ARHGAP15: variants seen among roughly 807,000 people sequenced by gnomAD.
The protein encoded by ARHGAP15 is rho GTPase-activating protein 15.
Under a neutral mutation model 63.7 loss-of-function variants are expected in ARHGAP15, and 51 were observed. That is an observed-to-expected ratio of 0.80 (90% CI 0.64 to 1.01). The LOEUF (loss-of-function observed/expected upper bound fraction) is 1.01, where lower values mean the gene tolerates loss of function less well. Ranked by LOEUF, ARHGAP15 falls within the 50% of genes least tolerant of loss-of-function variation. ARHGAP15 has a pLI of 0.00. For synonymous variants in ARHGAP15, 191 were observed against 193.8 expected (o/e 0.99, Z 0.12); for missense variants, 560 against 564.6 (o/e 0.99, Z 0.08).
chr2:143,480,874 C>T (rs1692046543), intron 8 of ARHGAP15: 1 of 152,100 alleles, frequency 6.6e-6, no homozygotes, highest in Non-Finnish European at 1.5e-5. Context: ...AAACAGGAGG[C>T]TGGAAAGAAA....
At chr2:143,418,011 A>G (rs979900685) in intron 6 of ARHGAP15, among the ~76,000 whole-genome samples, 4 of 152,246 alleles carry the variant, frequency 2.6e-5, no homozygotes, top group Admixed American at 6.5e-5. Context: ...GTAGAACAAG[A>G]AACTCAAACT....
At chr2:143,309,866 TTGTGTG>T (rs10562854) in intron 6 of ARHGAP15, among the ~76,000 whole-genome samples, 144 of 149,036 alleles carry the variant, frequency 9.7e-4, no homozygotes, top group Admixed American at 3.0e-3. Flanking sequence ...ATATATGAAC[TTGTGTG>T]TGTGTGTGTG....
chr2:143,663,822 C>G (rs549532095), intron 12 of ARHGAP15, among the ~76,000 whole-genome samples: 16 of 152,076 alleles, frequency 1.1e-4, no homozygotes, highest in Admixed American at 8.5e-4. Flanking sequence ...ACAAAGAAGG[C>G]CATTACATAA....
At chr2:143,334,308 A>G (rs1470349823) in intron 6 of ARHGAP15, among the ~76,000 whole-genome samples, 1 of 152,224 alleles carries the variant, frequency 6.6e-6, no homozygotes, top group Non-Finnish European at 1.5e-5. Flanking sequence ...CAATACTTAT[A>G]GAAAATACCT....
At position 143,216,368 on chromosome 2, in the gene ARHGAP15, T is replaced by A. The variant is rs370590518; in HGVS notation, c.235-16T>A. Reference sequence around the variant, plus strand: ...AGTAGTTTGTCACGGTTTTAACATATGCATTCTTCTTGCAGATGGTTGAAA... The same window carrying A: ...AGTAGTTTGTCACGGTTTTAACATAAGCATTCTTCTTGCAGATGGTTGAAA... On this transcript the variant is annotated splice_polypyrimidine_tract_variant and intron_variant, in intron 3 of 13. Transcript: ENST00000295095. 1 of 1,602,946 alleles carries A rather than the reference T, an allele frequency of 6.2e-7. No individual in the cohort carries two copies. Among genetic ancestry groups the A allele is most frequent in the East Asian group, 2.2e-5 (1 of 44,740 alleles).
chr2:143,505,310 CA>C (rs1196037104), intron 9 of ARHGAP15, among the ~76,000 whole-genome samples: 13 of 152,136 alleles, frequency 8.5e-5, no homozygotes, highest in African/African-American at 2.7e-4. Flanking sequence ...ACATAACTGT[CA>C]AGCATGCAAC....
At chr2:143,466,262 A>G (rs187858182) in intron 8 of ARHGAP15, among the ~76,000 whole-genome samples, 265 of 152,186 alleles carry the variant, frequency 1.7e-3, no homozygotes, top group Non-Finnish European at 2.6e-3. Context: ...TGTGGTTTGG[A>G]AACAATTGGC....
chr2:143,430,480 A>G (rs1265091424), intron 6 of ARHGAP15, among the ~76,000 whole-genome samples: 1 of 152,096 alleles, frequency 6.6e-6, no homozygotes, highest in Non-Finnish European at 1.5e-5. Flanking sequence ...AGCTATTAGT[A>G]TAACCATGAC....
At chr2:143,182,861 C>T (rs1691293486) in intron 2 of ARHGAP15, among the ~76,000 whole-genome samples, 1 of 152,042 alleles carries the variant, frequency 6.6e-6, no homozygotes, top group Non-Finnish European at 1.5e-5. Context: ...CATAACCTAC[C>T]AGGAAAGAGA....
At chr2:143,170,868 A>C (rs1690748689) in intron 2 of ARHGAP15, among the ~76,000 whole-genome samples, 1 of 152,134 alleles carries the variant, frequency 6.6e-6, no homozygotes, top group African/African-American at 2.4e-5. Context: ...CATATTATAG[A>C]TCCCCTGTTA....
intron 11 of ARHGAP15, among the ~76,000 whole-genome samples, chr2:143,572,549 G>A (rs572861921): frequency 2.0e-4 from 30 of 152,214 alleles, no homozygotes; most frequent in African/African-American, 7.0e-4. Context: ...GGAATATAAG[G>A]TAAGAGACGT....
At chr2:143,730,793 A>G (rs1685491592) in intron 13 of ARHGAP15, among the ~76,000 whole-genome samples, 1 of 151,172 alleles carries the variant, frequency 6.6e-6, no homozygotes, top group Non-Finnish European at 1.5e-5. Flanking sequence ...GCTTCCAGAT[A>G]CATATAGAAG....
chr2:143,256,530 G>T (rs1048961938), intron 6 of ARHGAP15, among the ~76,000 whole-genome samples: 1 of 152,034 alleles, frequency 6.6e-6, no homozygotes, highest in Non-Finnish European at 1.5e-5. Flanking sequence ...CACCTTGAAA[G>T]CCCTACCAAG....
At chr2:143,494,184 C>T (rs1256496153) in intron 9 of ARHGAP15, among the ~76,000 whole-genome samples, 4 of 151,914 alleles carry the variant, frequency 2.6e-5, no homozygotes, top group Non-Finnish European at 2.9e-5. Context: ...TCTCTGTTTC[C>T]TATTCTGAGG....
At position 143,422,429 on chromosome 2, in the gene ARHGAP15, A is replaced by G. The variant is rs75580670; in HGVS notation, c.475-13172A>G. Reference sequence around the variant, plus strand: ...CTTGATGAAGCAGGCAAAAAACTATAGTTGGGACAACTACTATGGAAAAGT... The same window carrying G: ...CTTGATGAAGCAGGCAAAAAACTATGGTTGGGACAACTACTATGGAAAAGT... On this transcript the variant is annotated intron_variant, in intron 6 of 13. Transcript: ENST00000295095. Among the ~76,000 whole-genome samples the G allele has an allele frequency of 9.4e-4, 143 of 152,258 alleles. 1 individual carries two copies. The East Asian group carries it at 0.021, about 23-fold the overall frequency.
rs893338370 is a variant in ARHGAP15, at chr2:143,762,601, CA to C, written c.1245-5387del. 2.5e-4 allele frequency among the ~76,000 whole-genome samples: 38 copies of C among 152,204 alleles called. 1 individual carries two copies. The highest frequency in any genetic ancestry group is 8.9e-4 in the African/African-American group (37 of 41,540). ...TAGGTCCTTAGCAAAACACATAGAA[CA>C]GCATTTCTTCATATACACTCTTCAG... On this transcript the variant is annotated intron_variant, in intron 13 of 13. Coordinates refer to ENST00000295095, the MANE Select transcript of ARHGAP15 (RefSeq NM_018460.4).
At chr2:143,136,057 C>T (rs946057298) in intron 1 of ARHGAP15, among the ~76,000 whole-genome samples, 5 of 152,038 alleles carry the variant, frequency 3.3e-5, no homozygotes, top group Non-Finnish European at 5.9e-5. Flanking sequence ...CCACCTGTCC[C>T]CCAACCCAGC....
chr2:143,257,996 A>G (rs1261321633), intron 6 of ARHGAP15, among the ~76,000 whole-genome samples: 1 of 152,100 alleles, frequency 6.6e-6, no homozygotes, highest in Admixed American at 6.6e-5. Context: ...TGTGTATTTC[A>G]TGCTGTGTAT....
At chr2:143,617,923 C>A (rs1254958094) in intron 11 of ARHGAP15, among the ~76,000 whole-genome samples, 1 of 152,172 alleles carries the variant, frequency 6.6e-6, no homozygotes, top group African/African-American at 2.4e-5. Context: ...AGTCTCCTTC[C>A]ATCTCTGTTT....
Sources: allele counts gnomAD v4.1 joint callset (sites outside exome capture counted in the v4.1 genomes callset), GRCh38; gene constraint gnomAD v4.1.1; transcripts MANE v1.5; gene names NCBI Gene and HGNC (gene_info 2026-07-23, HGNC 2026-07-21).